The following CAMTA1 variants were observed in gnomAD, a reference collection of about 807,000 sequenced individuals.
CAMTA1 encodes calmodulin-binding transcription activator 1.
A neutral mutation model predicts 170.9 loss-of-function variants in CAMTA1; 27 were observed. The observed-to-expected ratio is 0.16, with a 90% CI of 0.12 to 0.22. The LOEUF is 0.22. Among genes scored for constraint, CAMTA1 ranks in the 10% least tolerant of loss-of-function variants. CAMTA1 has a pLI of 1.00. For synonymous variants in CAMTA1, 833 were observed against 891.5 expected (o/e 0.93, Z 1.17); for missense variants, 1,619 against 2,217.2 (o/e 0.73, Z 5.42).
intron 22 of CAMTA1, among the ~76,000 whole-genome samples, chr1:7,758,148 T>A (rs926160562): frequency 6.6e-6 from 1 of 152,228 alleles, no homozygotes. Context: ...GCAATTAATA[T>A]CACCTGCTGC....
chr1:7,755,630 G>C lies in CAMTA1; in HGVS notation c.4959-8G>C. ...AATAGCTCTCTGGTGTTGTTTTACT[G>C]TCTAAAGCCCCCTGGTGGACCATAG... On this transcript the variant is annotated splice_region_variant and splice_polypyrimidine_tract_variant and intron_variant, in intron 21 of 22. Coordinates refer to ENST00000303635, the MANE Select transcript of CAMTA1 (RefSeq NM_015215.4). 1 of 1,612,906 alleles carries C rather than the reference G, an allele frequency of 6.2e-7. No individual in the cohort carries two copies. The highest frequency in any genetic ancestry group is 8.5e-7 in the Non-Finnish European group (1 of 1,179,062).
At chr1:7,515,491 C>T (rs1005223972) in intron 6 of CAMTA1, among the ~76,000 whole-genome samples, 1 of 152,178 alleles carries the variant, frequency 6.6e-6, no homozygotes, top group Non-Finnish European at 1.5e-5. Context: ...GCCCAATGCC[C>T]ACCACATGGC....
At chr1:7,175,460 C>A (rs927956309) in intron 4 of CAMTA1, among the ~76,000 whole-genome samples, 1 of 152,242 alleles carries the variant, frequency 6.6e-6, no homozygotes, top group Admixed American at 6.5e-5. Context: ...TAACACAATT[C>A]CATTAAAACA....
intron 1 of CAMTA1, among the ~76,000 whole-genome samples, chr1:6,813,412 C>T (rs1202328218): frequency 6.6e-6 from 1 of 150,804 alleles, no homozygotes; most frequent in Non-Finnish European, 1.5e-5. Context: ...TGTGCTCTAG[C>T]CCCCAGTTTT....
chr1:7,659,524 A>T (rs1020134287), intron 7 of CAMTA1, among the ~76,000 whole-genome samples: 1 of 152,094 alleles, frequency 6.6e-6, no homozygotes, highest in Non-Finnish European at 1.5e-5. Flanking sequence ...ACAGAGCGAG[A>T]CTCTGTCTCA....
At chr1:7,690,775 CAGTG>C (rs1429624152) in intron 11 of CAMTA1, among the ~76,000 whole-genome samples, 1 of 152,218 alleles carries the variant, frequency 6.6e-6, no homozygotes, top group Non-Finnish European at 1.5e-5. Flanking sequence ...GCTCAGACAA[CAGTG>C]AGTGGGTGGC....
Position 7,580,305 on chromosome 1 carries a change from G to C in CAMTA1, c.511-60095G>C, listed in dbSNP as rs936968312. On this transcript the variant is annotated intron_variant, in intron 6 of 22. Coordinates refer to ENST00000303635, the MANE Select transcript of CAMTA1 (RefSeq NM_015215.4). This position sits in a 1 kb window ranked among gnomAD's most constrained non-coding sequence, Gnocchi z 4.3. Reference sequence around the variant, plus strand: ...TCTGGACCGTGGGAGCTGTTGGGGGGAATGGGGGCAGGTGGAGAAGAGGAG... The same window carrying C: ...TCTGGACCGTGGGAGCTGTTGGGGGCAATGGGGGCAGGTGGAGAAGAGGAG... Among the ~76,000 whole-genome samples the C allele has an allele frequency of 6.6e-6, 1 of 152,146 alleles. No individual in the cohort carries two copies. The highest frequency in any genetic ancestry group is 1.5e-5 in the Non-Finnish European group (1 of 68,024).
Position 6,785,564 on chromosome 1 carries a change from A to G in CAMTA1, c.34A>G (p.Thr12Ala), listed in dbSNP as rs769546370. 1 of 1,070,284 alleles carries G rather than the reference A, an allele frequency of 9.3e-7. No individual in the cohort carries two copies. Among genetic ancestry groups the G allele is most frequent in the South Asian group, 2.9e-5 (1 of 34,708 alleles). The allele number at this position is 1,070,284 out of a possible 1,614,324, so 66.3% of individuals were successfully genotyped here. ...CGCGGAGGGGAAATGGCTGCCGAAA[A>G]CAAGCCGGAAGGTAAGAGCCGGAGC... ...WRAEGKWLPK[T>A]SRKSVSQSVF... Residue 12 changes from threonine (T) to alanine (A), a missense_variant, in exon 1 of 23, where the codon ACA becomes GCA. By Grantham distance (58) the Thr-to-Ala change is moderately conservative. Coordinates refer to ENST00000303635, the MANE Select transcript of CAMTA1 (RefSeq NM_015215.4).
rs143437138 is a variant in CAMTA1, at chr1:7,298,615, A to C, written c.438+48989A>C. 2.0e-5 allele frequency among the ~76,000 whole-genome samples: 3 copies of C among 152,250 alleles called. No individual in the cohort carries two copies. The East Asian group carries it at 5.8e-4, about 29-fold the overall frequency. ...GTTTCTAAAGGGCCCCAGGTTACCA[A>C]GGTCTCTTGTATATTAGAATTTTAC... On this transcript the variant is annotated intron_variant, in intron 5 of 22. Coordinates refer to ENST00000303635, the MANE Select transcript of CAMTA1 (RefSeq NM_015215.4).
intron 3 of CAMTA1, among the ~76,000 whole-genome samples, chr1:7,016,876 CCT>C (rs1156875666): frequency 1.3e-5 from 2 of 152,090 alleles, no homozygotes; most frequent in Admixed American, 6.5e-5. Flanking sequence ...AGATTCATTG[CCT>C]CTCTGTATTC....
intron 6 of CAMTA1, among the ~76,000 whole-genome samples, chr1:7,505,287 GC>G: frequency 6.6e-6 from 1 of 152,238 alleles, no homozygotes; most frequent in Non-Finnish European, 1.5e-5. Context: ...ATCCCCGGCA[GC>G]CAAGTCGAGG....
rs375449847 is a variant in CAMTA1 at position 7,682,384 on chromosome 1, C to T, written c.2914+4651C>T. 3.3e-5 allele frequency among the ~76,000 whole-genome samples: 5 copies of T among 152,352 alleles called. No homozygotes were observed. Among genetic ancestry groups the T allele is most frequent in the African/African-American group, 4.8e-5 (2 of 41,584 alleles). The stretch of plus-strand genomic sequence containing the variant: ...AGGTGTCTGGGAAGACTGAGAGCCT[C>T]GCTCCTGTCTAAGCAAGTGGAGAGA... On this transcript the variant is annotated intron_variant, in intron 11 of 22. Transcript: ENST00000303635. The surrounding 1 kb of genome is among the most constrained non-coding windows in gnomAD (Gnocchi z 5.0).
chr1:7,573,607 G>C (rs553113794), intron 6 of CAMTA1, among the ~76,000 whole-genome samples: 62 of 152,296 alleles, frequency 4.1e-4, no homozygotes, highest in African/African-American at 1.4e-3. Context: ...GCCTCCGCTG[G>C]CTCCTGGCAA....
At chr1:7,490,889 TGAG>T (rs1489891587) in intron 6 of CAMTA1, among the ~76,000 whole-genome samples, 1 of 152,186 alleles carries the variant, frequency 6.6e-6, no homozygotes, top group East Asian at 1.9e-4. Context: ...GCCTCCAGGC[TGAG>T]GACATAACCC....
rs148836723 is a variant in CAMTA1, at chr1:7,737,279, T to C, written c.3367T>C (p.Leu1123=). 6.2e-7 allele frequency: 1 copy of C among 1,614,034 alleles called. No homozygotes were observed. The highest frequency in any genetic ancestry group is 8.5e-7 in the Non-Finnish European group (1 of 1,179,984). ...GATGTGGGCGTGTGCCCTAGGGCAC[T>C]TGGAAGCTGCCGTCGTGCTGTACAA... ...PLMWACALGH[L]EAAVVLYKWD... is the part of the protein sequence containing the mutation. Residue 1123 remains leucine (L), a synonymous_variant, in exon 15 of 23, where the codon TTG becomes CTG. Coordinates refer to ENST00000303635, the MANE Select transcript of CAMTA1 (RefSeq NM_015215.4).
intron 7 of CAMTA1, among the ~76,000 whole-genome samples, chr1:7,643,331 C>G (rs748108046): frequency 9.9e-5 from 15 of 152,222 alleles, no homozygotes; most frequent in Non-Finnish European, 1.6e-4. Context: ...CCCCTGGGCC[C>G]CAGCAAAAGT....
At chr1:7,339,023 AC>A (rs1288567457) in intron 5 of CAMTA1, among the ~76,000 whole-genome samples, 3 of 152,126 alleles carry the variant, frequency 2.0e-5, no homozygotes, top group African/African-American at 7.2e-5. Flanking sequence ...CTTTTAAACA[AC>A]TGGATGTGGT....
chr1:7,177,468 A>AG (rs1211887651), intron 4 of CAMTA1, among the ~76,000 whole-genome samples: 14 of 130,192 alleles, frequency 1.1e-4, no homozygotes, highest in African/African-American at 3.4e-4. Context: ...CCACACCCTG[A>AG]GGCCCCCCCA....
At chr1:7,043,134 T>G (rs992794290) in intron 3 of CAMTA1, among the ~76,000 whole-genome samples, 5 of 152,142 alleles carry the variant, frequency 3.3e-5, no homozygotes, top group African/African-American at 1.2e-4. Context: ...TTAGGGAACA[T>G]TTGACTGCCA....
Sources: allele counts gnomAD v4.1 joint callset (sites outside exome capture counted in the v4.1 genomes callset), GRCh38; gene constraint gnomAD v4.1.1; non-coding constraint Gnocchi (gnomAD v3.1); transcripts MANE v1.5; gene names NCBI Gene and HGNC (gene_info 2026-07-23, HGNC 2026-07-21).